ZNF438: variants seen among roughly 807,000 people sequenced by gnomAD.
The protein encoded by ZNF438 is zinc finger protein 438.
ZNF438 carries 25 observed loss-of-function variants against 38.0 expected under a neutral mutation model. The observed-to-expected ratio is 0.66, with a 90% CI of 0.48 to 0.92. The LOEUF is 0.92. Among genes scored for constraint, ZNF438 ranks in the 40% least tolerant of loss-of-function variants. The probability of loss-of-function intolerance (pLI) is 0.00; values close to 1 mark genes in which losing one functional copy is unlikely to be tolerated. For synonymous variants in ZNF438, 372 were observed against 364.1 expected (o/e 1.02, Z -0.25); for missense variants, 1,007 against 999.6 (o/e 1.01, Z -0.10).
chr10:31,010,008 C>A (rs1036971299), intron 1 of ZNF438, among the ~76,000 whole-genome samples: 13 of 151,978 alleles, frequency 8.6e-5, no homozygotes, highest in African/African-American at 3.1e-4. Context: ...GCCATGACAA[C>A]CGGCTAATTT....
At chr10:30,982,455 C>T (rs1341771318) in intron 1 of ZNF438, among the ~76,000 whole-genome samples, 2 of 152,024 alleles carry the variant, frequency 1.3e-5, no homozygotes, top group African/African-American at 4.8e-5. Flanking sequence ...TGTTAAACAA[C>T]TAAAAAATAG....
intron 3 of ZNF438, among the ~76,000 whole-genome samples, chr10:30,898,690 G>C (rs2041647699): frequency 2.0e-5 from 3 of 151,962 alleles, no homozygotes; most frequent in African/African-American, 7.2e-5. Context: ...CAGATATTTT[G>C]ATTTTCAAGT....
At chr10:30,950,217 C>T (rs1248064577) in intron 1 of ZNF438, among the ~76,000 whole-genome samples, 1 of 151,734 alleles carries the variant, frequency 6.6e-6, no homozygotes, top group Non-Finnish European at 1.5e-5. Flanking sequence ...AAAGACACAA[C>T]ATACCAGAAT....
intron 1 of ZNF438, among the ~76,000 whole-genome samples, chr10:30,972,136 A>AT (rs60219397): frequency 0.41 from 62,611 of 151,462 alleles, 13,057 homozygotes; most frequent in Admixed American, 0.44. Flanking sequence ...CGCCTGGCTA[A>AT]TTTTTTGTAT....
At chr10:31,026,952 T>C (rs1428449297) in intron 1 of ZNF438, among the ~76,000 whole-genome samples, 2 of 152,190 alleles carry the variant, frequency 1.3e-5, no homozygotes, top group Non-Finnish European at 1.5e-5. Flanking sequence ...GAGACATGGA[T>C]GAAGCTGGAA....
chr10:31,013,441 T>G (rs1449415843), intron 1 of ZNF438, among the ~76,000 whole-genome samples: 2 of 152,004 alleles, frequency 1.3e-5, no homozygotes, highest in Non-Finnish European at 2.9e-5. Flanking sequence ...TCCCACAGAT[T>G]CAATTCCAAA....
chr10:30,847,945 A>T (rs941878030), intron 5 of ZNF438, among the ~76,000 whole-genome samples: 2 of 152,196 alleles, frequency 1.3e-5, no homozygotes, highest in Non-Finnish European at 2.9e-5. Context: ...CTAGGTTCCA[A>T]GTGGGTGGAA....
chr10:30,936,089 A>T (rs1054264734), intron 2 of ZNF438, among the ~76,000 whole-genome samples: 1 of 152,230 alleles, frequency 6.6e-6, no homozygotes, highest in Non-Finnish European at 1.5e-5. Context: ...AAGATTTCTA[A>T]GACCAGGATG....
In ZNF438 at chr10:30,875,508, T is replaced by G; in HGVS notation, c.37+1490A>C. On this transcript the variant is annotated intron_variant, in intron 4 of 5. Coordinates refer to ENST00000413025, the Ensembl canonical transcript of ZNF438. ...TTTTTCTCCTAAGCTTCTCCTTGCT[T>G]GCTTGGATAAAAAAAGGTAATACCA... 13 of 985,430 alleles carry G rather than the reference T, an allele frequency of 1.3e-5. 1 individual carries two copies. The highest frequency in any genetic ancestry group is 1.6e-5 in the Non-Finnish European group (13 of 829,930). 61.0% of individuals were successfully genotyped at this position (985,430 alleles called of 1,614,324 possible).
chr10:30,845,631 T>C (rs2031825150), intron 5 of ZNF438, 58 bp from the exon 7 acceptor site: 3 of 1,548,668 alleles, frequency 1.9e-6, no homozygotes, highest in Non-Finnish European at 1.7e-6. Flanking sequence ...ATTGGAATCT[T>C]TCCTCTCAGC....
chr10:30,882,793 AG>A (rs1165456013), intron 3 of ZNF438, among the ~76,000 whole-genome samples: 1 of 152,214 alleles, frequency 6.6e-6, no homozygotes, highest in African/African-American at 2.4e-5. Flanking sequence ...TAAGGTTCCA[AG>A]GGTATATACG....
intron 1 of ZNF438, among the ~76,000 whole-genome samples, chr10:31,011,552 C>G (rs1260139666): frequency 6.6e-6 from 1 of 152,122 alleles, no homozygotes; most frequent in Non-Finnish European, 1.5e-5. Context: ...GAGTCAAAAA[C>G]AGGAAAGGGT....
intron 1 of ZNF438, among the ~76,000 whole-genome samples, chr10:31,029,714 C>T (rs2057163391): frequency 6.6e-6 from 1 of 152,254 alleles, no homozygotes; most frequent in Admixed American, 6.5e-5. Flanking sequence ...TGCAAACCTT[C>T]CAATGGTTTT....
At chr10:30,951,933 G>A (rs1411612876) in intron 1 of ZNF438, among the ~76,000 whole-genome samples, 15 of 151,362 alleles carry the variant, frequency 9.9e-5, no homozygotes, top group East Asian at 7.7e-4. Context: ...AAAAGAGCCC[G>A]CATTGCCAAG....
rs537397140 is a variant in ZNF438, at chr10:30,860,286, G to A, written c.38-9919C>T. Among the ~76,000 whole-genome samples the A allele has an allele frequency of 9.9e-5, 15 of 152,194 alleles. No homozygotes were observed. The East Asian group carries it at 2.9e-3, about 29-fold the overall frequency. On this transcript the variant is annotated intron_variant, in intron 4 of 5. Coordinates refer to ENST00000413025, the Ensembl canonical transcript of ZNF438. ...CTGGGTTTCCTCACTCACTCTATTA[G>A]CATTAGATGACATCCCTTTTGTTCA...
chr10:30,973,016 AT>A (rs893448507), intron 1 of ZNF438, among the ~76,000 whole-genome samples: 6 of 151,674 alleles, frequency 4.0e-5, no homozygotes, highest in East Asian at 1.9e-4. Context: ...TGTATCAACA[AT>A]TTTTTTTTCC....
At chr10:30,926,901 T>C (rs2045002918) in intron 2 of ZNF438, among the ~76,000 whole-genome samples, 1 of 152,172 alleles carries the variant, frequency 6.6e-6, no homozygotes, top group South Asian at 2.1e-4. Flanking sequence ...CTCAGCCTTG[T>C]TGCAAATCAA....
rs115547031 is a variant in ZNF438 at position 30,852,508 on chromosome 10, C to T, written c.38-2141G>A. On this transcript the variant is annotated intron_variant, in intron 4 of 5. Transcript: ENST00000413025. ...CAGGCATGAGCCACCGCGCCCGGCC[C>T]GTCAACCTTGATTTTAATGCCTACA... Among the ~76,000 whole-genome samples, 1,241 of 152,046 alleles carry T rather than the reference C, an allele frequency of 8.2e-3. 14 individuals are homozygous for T. The highest frequency in any genetic ancestry group is 0.028 in the African/African-American group (1,143 of 41,486).
rs3006569 is a variant in ZNF438 at position 30,930,039 on chromosome 10, A to C, written c.-115+11536T>G. The stretch of plus-strand genomic sequence containing the variant: ...TCGCCAGGGCCGCAGGTGGAGCTGC[A>C]GCCAGTCCCGCGCCCACACTCCTCA... On this transcript the variant is annotated intron_variant, in intron 2 of 5. Coordinates refer to ENST00000413025, the Ensembl canonical transcript of ZNF438. Among the ~76,000 whole-genome samples, 42 of 152,142 alleles carry C rather than the reference A, an allele frequency of 2.8e-4. 1 individual carries two copies. The highest frequency in any genetic ancestry group is 9.4e-4 in the African/African-American group (39 of 41,530).
Sources: gnomAD v4.1 joint callset for allele counts (sites outside exome capture counted in the v4.1 genomes callset) on GRCh38, gnomAD v4.1.1 for gene constraint, MANE v1.5 for transcripts, NCBI Gene and HGNC (gene_info 2026-07-23, HGNC 2026-07-21) for gene names.